FBN2: variants seen among roughly 807,000 people sequenced by gnomAD.
The protein encoded by FBN2 is fibrillin 2.
FBN2 carries 105 observed loss-of-function variants against 355.6 expected under a neutral mutation model. The observed-to-expected ratio is 0.30, with a 90% CI of 0.25 to 0.35. The LOEUF (loss-of-function observed/expected upper bound fraction) is 0.35. Among genes scored for constraint, FBN2 ranks in the 10% least tolerant of loss-of-function variants. FBN2 has a pLI of 1.00. For synonymous variants in FBN2, 1,350 were observed against 1,301.2 expected (o/e 1.04, Z -0.81); for missense variants, 3,280 against 3,758.7 (o/e 0.87, Z 3.33).
rs200571171 is a variant in FBN2, at chr5:128,395,101, G to C, written c.1231+21C>G. On this transcript the variant is annotated intron_variant, in intron 9 of 64. Transcript: ENST00000262464. ...TTCCTAACAGTGTCTGTGCTGAGGA[G>C]ACTAACAGCCAGCCACGTACCAGAA... 322 of 1,613,732 alleles carry C rather than the reference G, an allele frequency of 2.0e-4. No homozygotes were observed. The African/African-American group carries it at 3.9e-3, about 19-fold the overall frequency.
chr5:128,274,490 C>G, intron 60 of FBN2, 77 bp downstream of exon 60: 1 of 832,062 alleles, frequency 1.2e-6, no homozygotes, highest in Non-Finnish European at 2.1e-6. Flanking sequence ...GGACATTCTT[C>G]TGTTTATAAT....
At chr5:128,294,619 G>A (rs868006277) in intron 48 of FBN2, among the ~76,000 whole-genome samples, 6,670 of 146,738 alleles carry the variant, frequency 0.045, 516 homozygotes, top group African/African-American at 0.16. Context: ...TGTGTTTTTT[G>A]GCTGCATAAA....
At chr5:128,469,314 C>T (rs1754793324) in intron 5 of FBN2, among the ~76,000 whole-genome samples, 1 of 151,950 alleles carries the variant, frequency 6.6e-6, no homozygotes, top group African/African-American at 2.4e-5. Flanking sequence ...AAGGATGAGG[C>T]TGGAGAGGAG....
In FBN2 at chr5:128,453,628, T is replaced by G. The variant is rs145352960; in HGVS notation, c.827-7022A>C. On this transcript the variant is annotated intron_variant, in intron 6 of 64. Coordinates refer to ENST00000262464, the MANE Select transcript of FBN2 (RefSeq NM_001999.4). ...TCATACCCGCCTTTTACTTATGTTT[T>G]CTTTTTTTGTTGTTGGTTTTCTTTT... Among the ~76,000 whole-genome samples the G allele has an allele frequency of 4.6e-5, 7 of 152,346 alleles. No homozygotes were observed. The East Asian group carries it at 1.3e-3, about 29-fold the overall frequency.
intron 4 of FBN2, among the ~76,000 whole-genome samples, chr5:128,522,943 T>C (rs1756474987): frequency 6.6e-6 from 1 of 152,188 alleles, no homozygotes; most frequent in South Asian, 2.1e-4. Flanking sequence ...TGAGCTGGTT[T>C]CTTAGCTGCC....
At chr5:128,368,445 CATATATATACACATATATATACAT>C (rs1561421582) in intron 16 of FBN2, among the ~76,000 whole-genome samples, 298 of 118,956 alleles carry the variant, frequency 2.5e-3, no homozygotes, top group African/African-American at 9.8e-3. Context: ...CACATATATA[CATATATATACACATATATATACAT>C]ATATATACAT....
At chr5:128,430,371 CTT>C (rs1257088761) in intron 7 of FBN2, among the ~76,000 whole-genome samples, 1 of 151,904 alleles carries the variant, frequency 6.6e-6, no homozygotes, top group Non-Finnish European at 1.5e-5. Context: ...AAATTTAAGT[CTT>C]TACTTTTTTG....
At chr5:128,396,607 T>C (rs148401306) in intron 8 of FBN2, among the ~76,000 whole-genome samples, 2 of 152,176 alleles carry the variant, frequency 1.3e-5, no homozygotes, top group African/African-American at 4.8e-5. Flanking sequence ...ATCAAAATGA[T>C]CAGATAAAGG....
intron 32 of FBN2, among the ~76,000 whole-genome samples, chr5:128,331,135 T>C (rs532775715): frequency 6.6e-6 from 1 of 152,306 alleles, no homozygotes; most frequent in South Asian, 2.1e-4. Flanking sequence ...AATCCCTTAG[T>C]TGAGCAGAAA....
chr5:128,532,307 A>G (rs1447527221), intron 2 of FBN2, among the ~76,000 whole-genome samples: 1 of 152,210 alleles, frequency 6.6e-6, no homozygotes, highest in Non-Finnish European at 1.5e-5. Context: ...AGCCTCCTGC[A>G]GCTGTGACCT....
At position 128,291,657 on chromosome 5, in the gene FBN2, GC is replaced by G. The variant is rs1561751881; in HGVS notation, c.6167-4del. 6.2e-7 allele frequency: 1 copy of G among 1,612,894 alleles called. No homozygotes were observed. The highest frequency in any genetic ancestry group is 8.5e-7 in the Non-Finnish European group (1 of 1,178,980). On this transcript the variant is annotated splice_region_variant and splice_polypyrimidine_tract_variant and intron_variant, in intron 48 of 64. Coordinates refer to ENST00000262464, the MANE Select transcript of FBN2 (RefSeq NM_001999.4). ...ATCTTCATCACATTCATTTATATCT[GC>G]AGAACAGGGGGAGTATTTATTAGCC...
rs547494638 is a variant in FBN2 at position 128,510,012 on chromosome 5, A to G, written c.628+9261T>C. Reference sequence around the variant, plus strand: ...TTGTCAGTATTCTGCTGAAAACTTGAGAGACAGCCTCTGTAGATGTCACAA... The same window carrying G: ...TTGTCAGTATTCTGCTGAAAACTTGGGAGACAGCCTCTGTAGATGTCACAA... On this transcript the variant is annotated intron_variant, in intron 5 of 64. Coordinates refer to ENST00000262464, the MANE Select transcript of FBN2 (RefSeq NM_001999.4). Among the ~76,000 whole-genome samples, 3 of 152,282 alleles carry G rather than the reference A, an allele frequency of 2.0e-5. No homozygotes were observed. The East Asian group carries it at 5.8e-4, about 29-fold the overall frequency.
intron 5 of FBN2, among the ~76,000 whole-genome samples, chr5:128,481,192 TC>T (rs1755175461): frequency 6.7e-6 from 1 of 148,390 alleles, no homozygotes; most frequent in African/African-American, 2.5e-5. Context: ...AAAAAAAAAA[TC>T]CCTTTTTACC....
At chr5:128,327,323 C>T (rs990701866) in intron 34 of FBN2, among the ~76,000 whole-genome samples, 4 of 152,154 alleles carry the variant, frequency 2.6e-5, no homozygotes, top group Non-Finnish European at 5.9e-5. Flanking sequence ...ATTTCATGAA[C>T]TTTTGGCACA....
Position 128,369,986 on chromosome 5 carries a change from G to A in FBN2, c.2096-652C>T, listed in dbSNP as rs539061022. The stretch of plus-strand genomic sequence containing the variant: ...AGCTCTATAGGAGTGGTCATTACGT[G>A]CATTTTATAGATGAGGAAGATGAGG... On this transcript the variant is annotated intron_variant, in intron 15 of 64. Transcript: ENST00000262464. Among the ~76,000 whole-genome samples, 10 of 152,278 alleles carry A rather than the reference G, an allele frequency of 6.6e-5. No individual in the cohort carries two copies. In the South Asian group the frequency reaches 2.1e-3, roughly 32 times the overall value.
chr5:128,261,443 TA>T (rs781571856), intron 64 of FBN2, among the ~76,000 whole-genome samples: 2 of 152,340 alleles, frequency 1.3e-5, no homozygotes, highest in East Asian at 3.9e-4. Flanking sequence ...TTGAATCATG[TA>T]AAAATAGCTC....
intron 3 of FBN2, among the ~76,000 whole-genome samples, chr5:128,528,703 C>G (rs1001186417): frequency 6.6e-6 from 1 of 152,276 alleles, no homozygotes; most frequent in Admixed American, 6.5e-5. Context: ...AACACAGGGC[C>G]TCCTCGGCCA....
intron 8 of FBN2, among the ~76,000 whole-genome samples, chr5:128,397,435 T>C (rs1752678102): frequency 1.3e-5 from 2 of 152,206 alleles, no homozygotes; most frequent in African/African-American, 4.8e-5. Flanking sequence ...ATATAGAATT[T>C]GAAAACGAAA....
chr5:128,288,129 T>A lies in FBN2; in HGVS notation c.6757+309A>T, dbSNP rs6884264. ...TCATTCACAATATCCAGAGTATAAA[T>A]CCAACATTAACCAATATACTGAAAA... On this transcript the variant is annotated intron_variant, in intron 53 of 64. Transcript: ENST00000262464. Among the ~76,000 whole-genome samples, 8,947 of 152,114 alleles carry A rather than the reference T, an allele frequency of 0.059. 882 individuals are homozygous for A. The highest frequency in any genetic ancestry group is 0.2 in the African/African-American group (8,460 of 41,436).
Sources: gnomAD v4.1 joint callset for allele counts (sites outside exome capture counted in the v4.1 genomes callset) on GRCh38, gnomAD v4.1.1 for gene constraint, MANE v1.5 for transcripts, NCBI Gene and HGNC (gene_info 2026-07-23, HGNC 2026-07-21) for gene names.